Variants in CCDC171 observed in about 807,000 individuals in gnomAD.
CCDC171 encodes the protein coiled-coil domain containing 171.
In CCDC171, 177 loss-of-function variants were observed where a neutral mutation model predicts 168.2. The observed-to-expected ratio is 1.05, with a 90% CI of 0.93 to 1.19. CCDC171 has a LOEUF of 1.19. Ranked by LOEUF, CCDC171 falls within the 50% of genes most tolerant of loss-of-function variation. The pLI is 0.00. For synonymous variants in CCDC171, 687 were observed against 540.8 expected, an observed-to-expected ratio of 1.27 and a Z score of -3.75; for missense variants, 1,991 against 1,539.0, an observed-to-expected ratio of 1.29 and a Z score of -4.91.
intron 6 of CCDC171, among the ~76,000 whole-genome samples, chr9:15,598,964 A>G (rs867513353): frequency 2.0e-5 from 3 of 152,052 alleles, no homozygotes; most frequent in Non-Finnish European, 4.4e-5. Context: ...AGAGACTAGG[A>G]TTGCAACCCC....
chr9:15,671,048 T>C (rs2049070512), intron 9 of CCDC171, among the ~76,000 whole-genome samples: 1 of 152,176 alleles, frequency 6.6e-6, no homozygotes, highest in South Asian at 2.1e-4. Context: ...GCTATGATCA[T>C]GCCACTGTAC....
At chr9:15,554,498 AT>A (rs952535944) in intron 1 of CCDC171, among the ~76,000 whole-genome samples, 1 of 152,162 alleles carries the variant, frequency 6.6e-6, no homozygotes, top group African/African-American at 2.4e-5. Context: ...GGGCTCAGCC[AT>A]TTATGAGCTG....
At chr9:15,660,090 G>A (rs994966691) in intron 8 of CCDC171, among the ~76,000 whole-genome samples, 2 of 152,096 alleles carry the variant, frequency 1.3e-5, no homozygotes, top group Non-Finnish European at 2.9e-5. Context: ...AACTCCCAAT[G>A]TAAGATACAA....
intron 10 of CCDC171, among the ~76,000 whole-genome samples, chr9:15,691,570 A>ATG (rs1554762303): frequency 6.9e-6 from 1 of 145,410 alleles, no homozygotes; most frequent in East Asian, 2.0e-4. Flanking sequence ...ATATATATAT[A>ATG]TGTACACATA....
chr9:15,570,683 A>G (rs1468531389), intron 2 of CCDC171, among the ~76,000 whole-genome samples: 1 of 152,204 alleles, frequency 6.6e-6, no homozygotes, highest in Non-Finnish European at 1.5e-5. Flanking sequence ...CTGGTTGCTT[A>G]GGTTCTGTAG....
intron 24 of CCDC171, among the ~76,000 whole-genome samples, chr9:15,907,968 CCATTTA>C (rs1289099820): frequency 1.3e-5 from 2 of 152,042 alleles, no homozygotes; most frequent in Non-Finnish European, 2.9e-5. Flanking sequence ...CCATCTCACA[CCATTTA>C]GAATGGCAAT....
chr9:15,639,621 C>T (rs936923751), intron 7 of CCDC171, among the ~76,000 whole-genome samples: 4 of 152,078 alleles, frequency 2.6e-5, no homozygotes, highest in African/African-American at 9.7e-5. Context: ...TTTCTATTGT[C>T]AGCCTATTGT....
chr9:16,088,765 T>A, the CCDC171 span, among the ~76,000 whole-genome samples: 1 of 152,268 alleles, frequency 6.6e-6, no homozygotes, highest in Middle Eastern at 3.4e-3. Context: ...AGAATCAATA[T>A]TGTAAAAATG....
At chr9:15,932,050 G>A (rs1020378083) in intron 25 of CCDC171, among the ~76,000 whole-genome samples, 1 of 151,862 alleles carries the variant, frequency 6.6e-6, no homozygotes. Flanking sequence ...CTGTGGCTTT[G>A]TTTCATTTGC....
At chr9:15,559,104 G>T (rs1007320341) in intron 1 of CCDC171, among the ~76,000 whole-genome samples, 31 of 152,240 alleles carry the variant, frequency 2.0e-4, no homozygotes, top group Middle Eastern at 6.8e-3. Context: ...GAGACAGTTT[G>T]TTATAATTTC....
chr9:15,910,555 T>TTTA (rs1413669806), intron 24 of CCDC171, among the ~76,000 whole-genome samples: 1 of 152,222 alleles, frequency 6.6e-6, no homozygotes, highest in African/African-American at 2.4e-5. Context: ...TAGGGCTCTT[T>TTTA]TTTTAATATA....
the CCDC171 span, among the ~76,000 whole-genome samples, chr9:16,080,308 C>T: frequency 1.3e-5 from 2 of 152,038 alleles, no homozygotes; most frequent in Admixed American, 6.6e-5. Flanking sequence ...TGGTTTTTTT[C>T]CCCCAGTATG....
intron 8 of CCDC171, among the ~76,000 whole-genome samples, chr9:15,662,823 A>T (rs2048418050): frequency 6.6e-6 from 1 of 151,976 alleles, no homozygotes; most frequent in South Asian, 2.1e-4. Flanking sequence ...TAAAAAAAAA[A>T]TACCAAAATT....
intron 25 of CCDC171, among the ~76,000 whole-genome samples, chr9:15,962,133 C>T (rs1032749708): frequency 3.3e-5 from 5 of 152,104 alleles, no homozygotes; most frequent in Non-Finnish European, 5.9e-5. Flanking sequence ...TACATATCCT[C>T]GATGGCCGCT....
chr9:16,061,979 A>C (rs1487097991), downstream of CCDC171, among the ~76,000 whole-genome samples: 1 of 152,182 alleles, frequency 6.6e-6, no homozygotes, highest in African/African-American at 2.4e-5. Flanking sequence ...GTTTAAAACC[A>C]GCTCAAAAAT....
At chr9:15,944,775 A>G (rs1828111552) in intron 25 of CCDC171, among the ~76,000 whole-genome samples, 1 of 152,022 alleles carries the variant, frequency 6.6e-6, no homozygotes. Context: ...CCAAGGCCAC[A>G]AAGTAACTCC....
chr9:15,566,505 G>A (rs889020280), intron 2 of CCDC171, among the ~76,000 whole-genome samples: 7 of 152,214 alleles, frequency 4.6e-5, no homozygotes, highest in African/African-American at 1.7e-4. Context: ...ATTGCAGTGA[G>A]CCTAGATCAT....
At chr9:15,786,334 A>G (rs928236828) in intron 21 of CCDC171, among the ~76,000 whole-genome samples, 2 of 152,152 alleles carry the variant, frequency 1.3e-5, no homozygotes, top group South Asian at 2.1e-4. Context: ...TTACACAAGT[A>G]ATAAATATTC....
intron 25 of CCDC171, among the ~76,000 whole-genome samples, chr9:15,962,666 G>T (rs184163541): frequency 2.0e-4 from 30 of 151,962 alleles, no homozygotes; most frequent in African/African-American, 6.0e-4. Context: ...TTTGTGAACT[G>T]CCAGTTGATA....
Sources: gnomAD v4.1 joint callset for allele counts (sites outside exome capture counted in the v4.1 genomes callset) on GRCh38, gnomAD v4.1.1 for gene constraint, MANE v1.5 for transcripts, NCBI Gene and HGNC (gene_info 2026-07-23, HGNC 2026-07-21) for gene names.